The following SNX9 variants were observed in gnomAD, a reference collection of about 807,000 sequenced individuals.
The protein encoded by SNX9 is sorting nexin-9.
In SNX9, 44 loss-of-function variants were observed where a neutral mutation model predicts 89.4. That is an observed-to-expected ratio of 0.49 (90% CI 0.39 to 0.63). The LOEUF is 0.63. SNX9 is among the 30% of genes least tolerant of loss of function. The probability of loss-of-function intolerance (pLI) is 0.00; values close to 1 mark genes in which losing one functional copy is unlikely to be tolerated. For synonymous variants in SNX9, 236 were observed against 247.8 expected, an observed-to-expected ratio of 0.95 and a Z score of 0.45; for missense variants, 578 against 736.1, an observed-to-expected ratio of 0.79 and a Z score of 2.49.
At chr6:157,897,349 C>T (rs1783001289) in intron 5 of SNX9, among the ~76,000 whole-genome samples, 1 of 152,112 alleles carries the variant, frequency 6.6e-6, no homozygotes, top group Non-Finnish European at 1.5e-5. Flanking sequence ...AAATAAAGAG[C>T]CAGATGAAGA....
intron 1 of SNX9, among the ~76,000 whole-genome samples, chr6:157,855,358 C>A (rs1781988764): frequency 6.6e-6 from 1 of 152,050 alleles, no homozygotes; most frequent in African/African-American, 2.4e-5. Flanking sequence ...TATGAATAAC[C>A]ATGTATATAT....
intron 9 of SNX9, among the ~76,000 whole-genome samples, chr6:157,921,173 A>G (rs1364860624): frequency 6.6e-6 from 1 of 152,256 alleles, no homozygotes; most frequent in Non-Finnish European, 1.5e-5. Flanking sequence ...CTGTTAGCTT[A>G]TAGGAAAGAG....
In SNX9 at chr6:157,875,076, A is replaced by T. The variant is rs1436472138; in HGVS notation, c.200A>T (p.Gln67Leu). The T allele has an allele frequency of 1.1e-5, 18 of 1,613,858 alleles. No homozygotes were observed. Among genetic ancestry groups the T allele is most frequent in the Non-Finnish European group, 1.4e-5 (17 of 1,179,952 alleles). The change falls in exon 4 of 18, where the codon CAA (glutamine) becomes CTA (leucine). Residue 67 changes from glutamine (Q) to leucine (L), a missense_variant. By Grantham distance (113) the Gln-to-Leu change is moderately radical. Transcript: ENST00000392185. ...ATTTTACCCAGTGATGGAAAAGATC[A>T]ATTTTCTTGTGGAAATTCAGTGGCT... is the stretch of plus-strand genomic sequence containing the variant. ...VEILPSDGKD[Q>L]FSCGNSVADQ... is the part of the protein sequence containing the mutation.
intron 12 of SNX9, among the ~76,000 whole-genome samples, chr6:157,930,135 A>G (rs1462480658): frequency 1.3e-5 from 2 of 152,212 alleles, no homozygotes; most frequent in Admixed American, 1.3e-4. Flanking sequence ...CCATTGGCCA[A>G]TAACTACCTC....
intron 1 of SNX9, among the ~76,000 whole-genome samples, chr6:157,863,795 G>A (rs1368259947): frequency 6.6e-6 from 1 of 152,196 alleles, no homozygotes. Context: ...GGTGCTGGGA[G>A]ATGACGCCCA....
At chr6:157,934,223 C>A (rs1783875572) in intron 13 of SNX9, 1 of 152,118 alleles carries the variant, frequency 6.6e-6, no homozygotes, top group Non-Finnish European at 1.5e-5. Flanking sequence ...ATTAGCATGG[C>A]CCCTGCACAA....
At chr6:157,903,792 C>G (rs983087715) in intron 6 of SNX9, among the ~76,000 whole-genome samples, 7 of 152,144 alleles carry the variant, frequency 4.6e-5, no homozygotes, top group Non-Finnish European at 1.0e-4. Context: ...CTGTTGGAAC[C>G]TCAGTTTCTT....
At chr6:157,872,493 A>G (rs1382886660) in intron 2 of SNX9, 2 of 152,228 alleles carry the variant, frequency 1.3e-5, no homozygotes, top group Non-Finnish European at 2.9e-5. Flanking sequence ...TGTGTCTGCA[A>G]TCACTGGACC....
In SNX9 at chr6:157,902,018, C is replaced by A. The variant is rs886177275; in HGVS notation, c.593C>A (p.Ser198Tyr). The change falls in exon 6 of 18, where the codon TCC (serine) becomes TAC (tyrosine). Residue 198 changes from serine to tyrosine, a missense_variant. By Grantham distance (144) the Ser-to-Tyr change is moderately radical. Coordinates refer to ENST00000392185, the MANE Select transcript of SNX9 (RefSeq NM_016224.5). ...CAGCGAGGAAACAGTCGTGCTAGTT[C>A]CTCATCCATGAAAATTCCCCTTAAC... ...GAQRGNSRASSSSMKIPLNKF... is the reference protein window; with the variant it reads ...GAQRGNSRASYSSMKIPLNKF... The A allele has an allele frequency of 4.4e-5, 71 of 1,613,238 alleles. No homozygotes were observed. The East Asian group carries it at 1.6e-3, about 36-fold the overall frequency.
At chr6:157,901,870 A>G in intron 5 of SNX9, 28 bp from the exon 6 acceptor site, 1 of 1,555,158 alleles carries the variant, frequency 6.4e-7, no homozygotes, top group Non-Finnish European at 8.7e-7. Context: ...TTTTTTTTTA[A>G]CTGATGATCT....
chr6:157,887,572 A>G (rs942771729), intron 4 of SNX9, among the ~76,000 whole-genome samples: 3 of 152,064 alleles, frequency 2.0e-5, no homozygotes, highest in African/African-American at 7.2e-5. Context: ...CACGCAGTGA[A>G]TGGGCACTTG....
chr6:157,849,092 CAG>C (rs1281286755), intron 1 of SNX9, among the ~76,000 whole-genome samples: 4 of 152,178 alleles, frequency 2.6e-5, no homozygotes, highest in Non-Finnish European at 5.9e-5. Context: ...GCCTGGGTGA[CAG>C]TGAGACCTTG....
At chr6:157,893,851 A>T (rs1782914276) in intron 4 of SNX9, among the ~76,000 whole-genome samples, 1 of 152,202 alleles carries the variant, frequency 6.6e-6, no homozygotes, top group Non-Finnish European at 1.5e-5. Flanking sequence ...AAGTTTATAC[A>T]TAAAAATAAA....
intron 4 of SNX9, among the ~76,000 whole-genome samples, chr6:157,895,664 G>A (rs553383521): frequency 6.6e-6 from 1 of 152,102 alleles, no homozygotes; most frequent in African/African-American, 2.4e-5. Flanking sequence ...TACAATTTAG[G>A]CCAACTTAGT....
chr6:157,922,223 T>C (rs1562619347), intron 10 of SNX9, among the ~76,000 whole-genome samples: 1 of 152,234 alleles, frequency 6.6e-6, no homozygotes, highest in African/African-American at 2.4e-5. Flanking sequence ...AAGGAAACGT[T>C]GGCTGCCTGA....
chr6:157,858,846 TACTC>T (rs757297983), intron 1 of SNX9, among the ~76,000 whole-genome samples: 13 of 152,152 alleles, frequency 8.5e-5, no homozygotes, highest in Admixed American at 1.3e-4. Flanking sequence ...TCATGAGACT[TACTC>T]ACTACCACGA....
At chr6:157,924,274 A>C (rs1024915719) in intron 10 of SNX9, 1 of 152,046 alleles carries the variant, frequency 6.6e-6, no homozygotes, top group African/African-American at 2.4e-5. Flanking sequence ...TCCCAGAGGT[A>C]AAATGGAGGA....
intron 4 of SNX9, among the ~76,000 whole-genome samples, chr6:157,896,268 AT>A (rs1041249896): frequency 3.9e-5 from 6 of 152,112 alleles, no homozygotes; most frequent in East Asian, 1.9e-4. Context: ...TATTGTTTGA[AT>A]TTTTTTTATT....
chr6:157,933,153 G>T (rs778107859), intron 13 of SNX9, among the ~76,000 whole-genome samples: 1 of 152,026 alleles, frequency 6.6e-6, no homozygotes, highest in African/African-American at 2.4e-5. Flanking sequence ...AATTAGCCAG[G>T]CATGGTGTCA....
Sources: allele counts gnomAD v4.1 joint callset (sites outside exome capture counted in the v4.1 genomes callset), GRCh38; gene constraint gnomAD v4.1.1; transcripts MANE v1.5; gene names NCBI Gene and HGNC (gene_info 2026-07-23, HGNC 2026-07-21).